CWC27: variants seen among roughly 807,000 people sequenced by gnomAD.
CWC27 encodes spliceosome-associated protein CWC27 homolog.
A neutral mutation model predicts 63.6 loss-of-function variants in CWC27; 47 were observed. The ratio of observed to expected loss-of-function variants is 0.74; its 90% CI spans 0.58 to 0.94. CWC27 has a LOEUF of 0.94. Among genes scored for constraint, CWC27 ranks in the 40% least tolerant of loss-of-function variants. The pLI, the probability that CWC27 is intolerant of heterozygous loss-of-function variation, is 0.00. For synonymous variants in CWC27, 175 were observed against 179.8 expected (o/e 0.97, Z 0.22); for missense variants, 495 against 554.3 (o/e 0.89, Z 1.07).
At chr5:64,885,584 C>A (rs377120954) in intron 11 of CWC27, 38 bp downstream of exon 11, 6 of 1,423,692 alleles carry the variant, frequency 4.2e-6, no homozygotes, top group Non-Finnish European at 5.8e-6. Flanking sequence ...TCACTTGATA[C>A]TCCTCCTTCT....
At chr5:64,802,721 A>G (rs1281481135) in intron 9 of CWC27, among the ~76,000 whole-genome samples, 3 of 152,202 alleles carry the variant, frequency 2.0e-5, no homozygotes, top group Non-Finnish European at 4.4e-5. Flanking sequence ...TGGGTGCAAA[A>G]GAAAGCATAG....
chr5:64,941,879 TCA>T (rs1470888212), intron 11 of CWC27, among the ~76,000 whole-genome samples: 21 of 151,994 alleles, frequency 1.4e-4, no homozygotes, highest in African/African-American at 5.1e-4. Context: ...TTTCTGAGCC[TCA>T]GTTTCCTTAT....
In CWC27 at chr5:64,772,703, T is replaced by C. The variant is rs552330706; in HGVS notation, c.43-1988T>C. On this transcript the variant is annotated intron_variant, in intron 1 of 13. Transcript: ENST00000381070. Reference sequence around the variant, plus strand: ...CTGTAATCCCAGCACTTTGGGAGGCTGAGGCGGGCGGATCATGAGATCAGG... The same window carrying C: ...CTGTAATCCCAGCACTTTGGGAGGCCGAGGCGGGCGGATCATGAGATCAGG... Among the ~76,000 whole-genome samples the C allele has an allele frequency of 2.6e-3, 375 of 145,154 alleles. 1 individual carries two copies. Among genetic ancestry groups the C allele is most frequent in the Middle Eastern group, 8.5e-3 (2 of 236 alleles).
chr5:64,916,326 A>G (rs1747886793), intron 11 of CWC27, among the ~76,000 whole-genome samples: 1 of 152,320 alleles, frequency 6.6e-6, no homozygotes, highest in South Asian at 2.1e-4. Flanking sequence ...TCAAGAGTAC[A>G]GCCTTTAAAG....
At chr5:65,014,304 GTATATATAC>G (rs952196706) in intron 13 of CWC27, among the ~76,000 whole-genome samples, 4 of 146,308 alleles carry the variant, frequency 2.7e-5, no homozygotes, top group Non-Finnish European at 6.0e-5. Flanking sequence ...TGTATATACT[GTATATATAC>G]TATATATACT....
At chr5:65,009,952 G>T (rs551546547) in intron 13 of CWC27, among the ~76,000 whole-genome samples, 25 of 152,276 alleles carry the variant, frequency 1.6e-4, no homozygotes, top group African/African-American at 5.3e-4. Context: ...TGATCCTCAG[G>T]CCACGTGAGG....
At chr5:64,824,979 G>A (rs1435955252) in intron 10 of CWC27, among the ~76,000 whole-genome samples, 3 of 151,812 alleles carry the variant, frequency 2.0e-5, no homozygotes, top group South Asian at 2.1e-4. Flanking sequence ...TGATCCACCC[G>A]CCTCGGCCTC....
chr5:64,840,390 AAAAAATATATATATATATATATATAT>A (rs1561430446), intron 10 of CWC27, among the ~76,000 whole-genome samples: 39 of 29,840 alleles, frequency 1.3e-3, no homozygotes, highest in African/African-American at 3.2e-3. Context: ...AAAAAAAAAA[AAAAAATATATATATATATATATATAT>A]ATATATATAT....
chr5:64,958,352 C>G (rs1748840763), intron 11 of CWC27, among the ~76,000 whole-genome samples: 1 of 152,128 alleles, frequency 6.6e-6, no homozygotes, highest in Non-Finnish European at 1.5e-5. Flanking sequence ...AACCTGTTTT[C>G]TCATACTCCC....
At chr5:65,005,055 C>T (rs754886992) in intron 13 of CWC27, among the ~76,000 whole-genome samples, 4 of 151,110 alleles carry the variant, frequency 2.6e-5, no homozygotes, top group Middle Eastern at 3.2e-3. Context: ...GTGATTAGGC[C>T]GCACTTGTTA....
At chr5:64,819,805 A>G (rs1480475446) in intron 10 of CWC27, among the ~76,000 whole-genome samples, 5 of 152,186 alleles carry the variant, frequency 3.3e-5, no homozygotes, top group Non-Finnish European at 7.3e-5. Flanking sequence ...CAAACTGACA[A>G]CTTAGGACTC....
chr5:64,899,608 G>A (rs1242507838), intron 11 of CWC27, among the ~76,000 whole-genome samples: 1 of 152,192 alleles, frequency 6.6e-6, no homozygotes, highest in Admixed American at 6.5e-5. Flanking sequence ...ATGTAATTTG[G>A]TGGTATGTAC....
intron 10 of CWC27, among the ~76,000 whole-genome samples, chr5:64,824,730 T>C (rs1187059294): frequency 2.9e-5 from 4 of 137,768 alleles, no homozygotes; most frequent in Admixed American, 7.2e-5. Context: ...TCTTTTCTCT[T>C]TTTTTTTTTT....
chr5:64,885,627 T>A (rs1747052562), intron 11 of CWC27, 81 bp downstream of exon 11: 1 of 972,390 alleles, frequency 1.0e-6, no homozygotes, highest in African/African-American at 1.6e-5. Flanking sequence ...CCCGCTCCCG[T>A]ATTCATCCCT....
intron 11 of CWC27, among the ~76,000 whole-genome samples, chr5:64,961,878 T>C (rs770271309): frequency 6.6e-6 from 1 of 152,196 alleles, no homozygotes; most frequent in Non-Finnish European, 1.5e-5. Flanking sequence ...ATATAATAAG[T>C]TCTTAGTAGA....
intron 2 of CWC27, among the ~76,000 whole-genome samples, chr5:64,776,066 AGC>A (rs1336106059): frequency 1.6e-4 from 14 of 89,728 alleles, no homozygotes; most frequent in Non-Finnish European, 2.7e-4. Flanking sequence ...GGAGGAGTGG[AGC>A]GAGAGAGAGA....
chr5:64,927,071 A>T (rs753748517), intron 11 of CWC27, among the ~76,000 whole-genome samples: 2 of 152,296 alleles, frequency 1.3e-5, no homozygotes, highest in Non-Finnish European at 2.9e-5. Flanking sequence ...ATATTTTTTT[A>T]AAATTCAGGT....
At chr5:64,868,803 A>C (rs1746595888) in intron 10 of CWC27, among the ~76,000 whole-genome samples, 2 of 151,692 alleles carry the variant, frequency 1.3e-5, no homozygotes, top group African/African-American at 4.8e-5. Flanking sequence ...TATTTTTTGT[A>C]GTTCTAGTTG....
chr5:64,932,025 G>C (rs1268136368), intron 11 of CWC27, among the ~76,000 whole-genome samples: 6 of 152,014 alleles, frequency 3.9e-5, no homozygotes, highest in Non-Finnish European at 8.8e-5. Flanking sequence ...TCTTTAACTG[G>C]AATAGCTGGG....
Sources: allele counts gnomAD v4.1 joint callset (sites outside exome capture counted in the v4.1 genomes callset), GRCh38; gene constraint gnomAD v4.1.1; transcripts MANE v1.5; gene names NCBI Gene and HGNC (gene_info 2026-07-23, HGNC 2026-07-21).